PCDHGA7: variants seen among roughly 807,000 people sequenced by gnomAD.
The protein encoded by PCDHGA7 is protocadherin gamma subfamily A, 7, also known as protocadherin gamma-A7.
In PCDHGA7, 44 loss-of-function variants were observed where a neutral mutation model predicts 58.3. That is an observed-to-expected ratio of 0.75 (90% CI 0.59 to 0.97). The LOEUF is 0.97. Among genes scored for constraint, PCDHGA7 ranks in the 50% least tolerant of loss-of-function variants. PCDHGA7 has a pLI of 0.00. For missense variants in PCDHGA7, 1,266 were observed against 1,188.7 expected (o/e 1.06, Z -0.96); for synonymous variants, 516 against 504.2 (o/e 1.02, Z -0.31).
In PCDHGA7 at chr5:141,491,927, G is replaced by A. The variant is rs1314503730; in HGVS notation, c.2425-2880G>A. 3 of 1,309,982 alleles carry A rather than the reference G, an allele frequency of 2.3e-6. No individual in the cohort carries two copies. In the African/African-American group the frequency reaches 4.5e-5, roughly 20 times the overall value. 81.1% of individuals were successfully genotyped at this position (1,309,982 alleles called of 1,614,324 possible). A position where few individuals can be genotyped will look rare whatever the true frequency, so the allele number is the denominator to read the frequency against. On this transcript the variant is annotated intron_variant, in intron 1 of 3. Coordinates refer to ENST00000518325, the MANE Select transcript of PCDHGA7 (RefSeq NM_018920.4). The surrounding 1 kb of genome is among the most constrained non-coding windows in gnomAD (Gnocchi z 6.9). ...GTGGTGGCGACTGTGGGCGAGGGGAGGTGGGACCGACCCCCACCCCTACAC... is the reference window on the plus strand; with the variant it reads ...GTGGTGGCGACTGTGGGCGAGGGGAAGTGGGACCGACCCCCACCCCTACAC...
intron 1 of PCDHGA7, chr5:141,430,744 C>T: frequency 6.7e-7 from 1 of 1,498,404 alleles, no homozygotes; most frequent in Non-Finnish European, 8.9e-7. Flanking sequence ...GAAAATAATT[C>T]TGGAGGAAGA....
chr5:141,470,054 C>T (rs895181664), intron 1 of PCDHGA7, among the ~76,000 whole-genome samples: 2 of 152,118 alleles, frequency 1.3e-5, no homozygotes, highest in African/African-American at 4.8e-5. Flanking sequence ...GTTTGAACCC[C>T]GGAGGCAGAG....
At chr5:141,397,699 C>A (rs1304915257) in intron 1 of PCDHGA7, among the ~76,000 whole-genome samples, 1 of 152,158 alleles carries the variant, frequency 6.6e-6, no homozygotes, top group Non-Finnish European at 1.5e-5. Flanking sequence ...AAAAACCCAA[C>A]GTGATATTTC....
chr5:141,421,491 A>G (rs934861223), intron 1 of PCDHGA7: 8 of 1,614,102 alleles, frequency 5.0e-6, no homozygotes, highest in Non-Finnish European at 6.8e-6. Context: ...TGATCACGGC[A>G]GGCAGGATAG....
chr5:141,460,507 G>A (rs2098991001), intron 1 of PCDHGA7, among the ~76,000 whole-genome samples: 1 of 152,036 alleles, frequency 6.6e-6, no homozygotes. Context: ...ATGCTGAGAA[G>A]GCTATCTTTT....
At chr5:141,478,467 G>T (rs2099457769) in intron 1 of PCDHGA7, 1 of 1,613,656 alleles carries the variant, frequency 6.2e-7, no homozygotes, top group South Asian at 1.1e-5. Flanking sequence ...CCACTGGCCA[G>T]CCGCCAGAAC....
rs1554123924 is a variant in PCDHGA7, at chr5:141,431,826, T to C, written c.2424+46503T>C. 1 of 1,614,220 alleles carries C rather than the reference T, an allele frequency of 6.2e-7. No homozygotes were observed. The highest frequency in any genetic ancestry group is 8.5e-7 in the Non-Finnish European group (1 of 1,180,050). The stretch of plus-strand genomic sequence containing the variant: ...GTCCTCACCTCTCTCGCCAGCTCGG[T>C]TCCCGAAAACTCTCCCAGAGGGACA... On this transcript the variant is annotated intron_variant, in intron 1 of 3. Coordinates refer to ENST00000518325, the MANE Select transcript of PCDHGA7 (RefSeq NM_018920.4). This position sits in a 1 kb window ranked among gnomAD's most constrained non-coding sequence, Gnocchi z 4.8.
intron 1 of PCDHGA7, chr5:141,410,439 G>A (rs775594110): frequency 3.1e-6 from 5 of 1,614,006 alleles, no homozygotes; most frequent in Admixed American, 3.3e-5. Context: ...TACAGTGAGG[G>A]GACTTTGCCT....
At chr5:141,458,264 G>A (rs1489144612) in intron 1 of PCDHGA7, among the ~76,000 whole-genome samples, 3 of 152,092 alleles carry the variant, frequency 2.0e-5, no homozygotes, top group Non-Finnish European at 2.9e-5. Flanking sequence ...GATGAGTGGA[G>A]GAACAACAGG....
In PCDHGA7 at chr5:141,494,863, C is replaced by A. The variant is rs538734954; in HGVS notation, c.2481C>A (p.Ser827Arg). 17 of 1,614,118 alleles carry A rather than the reference C, an allele frequency of 1.1e-5. No individual in the cohort carries two copies. Among genetic ancestry groups the A allele is most frequent in the Non-Finnish European group, 1.4e-5 (17 of 1,179,994 alleles). Residue 827 changes from serine to arginine, a missense_variant and splice_region_variant, in exon 2 of 4, where the codon AGC becomes AGA. By Grantham distance (110) the Ser-to-Arg change is moderately radical. Transcript: ENST00000518325. ...RFSQAQRPGT[S>R]GSQNGDDTGT... ...CTCAGGCCCAGAGACCCGGCACCAG[C>A]GGGTAGGTGACTGATTCTCCAGCCC...
intron 1 of PCDHGA7, chr5:141,414,573 A>G: frequency 6.2e-7 from 1 of 1,613,920 alleles, no homozygotes; most frequent in African/African-American, 1.3e-5. Context: ...CCTATATCCC[A>G]GAGAACAACG....
intron 1 of PCDHGA7, chr5:141,393,109 G>C (rs2092681202): frequency 1.2e-6 from 2 of 1,613,430 alleles, no homozygotes; most frequent in Non-Finnish European, 1.7e-6. Context: ...TGCGCTCAGA[G>C]CCCGCGGTGT....
At chr5:141,442,294 C>A (rs1194203452) in intron 1 of PCDHGA7, 1 of 152,584 alleles carries the variant, frequency 6.6e-6, no homozygotes, top group Admixed American at 6.5e-5. Context: ...ATGATCCTGT[C>A]TGAGTCTTTC....
rs373163257 is a variant in PCDHGA7 at position 141,383,286 on chromosome 5, C to A, written c.387C>A (p.Asn129Lys). 1 of 1,613,888 alleles carries A rather than the reference C, an allele frequency of 6.2e-7. No individual in the cohort carries two copies. The highest frequency in any genetic ancestry group is 8.5e-7 in the Non-Finnish European group (1 of 1,179,856). ...IDVEIIDIND[N>K]VPRFLTEEIN... Reference sequence around the variant, plus strand: ...TGGAAATAATAGATATTAATGACAACGTTCCAAGATTCTTGACGGAAGAAA... The same window carrying A: ...TGGAAATAATAGATATTAATGACAAAGTTCCAAGATTCTTGACGGAAGAAA... The change falls in exon 1 of 4, where the codon AAC becomes AAA. Residue 129 changes from asparagine to lysine, a missense_variant. Transcript: ENST00000518325.
chr5:141,502,694 G>A (rs1039264846), intron 2 of PCDHGA7, among the ~76,000 whole-genome samples: 5 of 152,180 alleles, frequency 3.3e-5, no homozygotes, highest in African/African-American at 1.2e-4. Flanking sequence ...ATCCTTGCCT[G>A]TATCTGTTTT....
At position 141,505,489 on chromosome 5, in the gene PCDHGA7, G is replaced by A. The variant is rs759637750; in HGVS notation, c.2572+8G>A. On this transcript the variant is annotated splice_region_variant and intron_variant, in intron 3 of 3. Coordinates refer to ENST00000518325, the MANE Select transcript of PCDHGA7 (RefSeq NM_018920.4). ...TCTTGGCGTCCGCCAGTGGTAAGTG[G>A]TGTCAGTGTGTGTATGGAAGAGTGG... The A allele has an allele frequency of 6.2e-7, 1 of 1,614,218 alleles. No homozygotes were observed. The highest frequency in any genetic ancestry group is 1.7e-5 in the Admixed American group (1 of 60,032).
At position 141,383,978 on chromosome 5, in the gene PCDHGA7, C is replaced by T; in HGVS notation, c.1079C>T (p.Thr360Ile). 1 of 1,613,752 alleles carries T rather than the reference C, an allele frequency of 6.2e-7. No homozygotes were observed. Among genetic ancestry groups the T allele is most frequent in the Non-Finnish European group, 8.5e-7 (1 of 1,179,702 alleles). ...TTAAGTAGCTCAATCCCTGAAGACA[C>T]ACCTCTTGGGACAGTCATTGCTCTT... ...TSLSSSIPED[T>I]PLGTVIALFY... Residue 360 changes from threonine (T) to isoleucine (I), a missense_variant, in exon 1 of 4, where the codon ACA (threonine) becomes ATA (isoleucine). Thr to Ile is a moderately conservative substitution (Grantham distance 89). Transcript: ENST00000518325.
intron 1 of PCDHGA7, chr5:141,409,017 G>T (rs745981387): frequency 3.1e-6 from 5 of 1,613,840 alleles, no homozygotes; most frequent in Non-Finnish European, 4.2e-6. Flanking sequence ...CAGGATGAGG[G>T]GGTCAATGCT....
At chr5:141,403,631 C>T (rs751580878) in intron 1 of PCDHGA7, 8 of 1,613,912 alleles carry the variant, frequency 5.0e-6, no homozygotes, top group South Asian at 2.2e-5. Context: ...CAGCACAGTG[C>T]GCATCCATGT....
Sources: allele counts gnomAD v4.1 joint callset (sites outside exome capture counted in the v4.1 genomes callset), GRCh38; gene constraint gnomAD v4.1.1; non-coding constraint Gnocchi (gnomAD v3.1); transcripts MANE v1.5; gene names NCBI Gene and HGNC (gene_info 2026-07-23, HGNC 2026-07-21).